PITRM1: variants seen among roughly 807,000 people sequenced by gnomAD.
PITRM1 encodes presequence protease, mitochondrial.
A neutral mutation model predicts 129.9 loss-of-function variants in PITRM1; 100 were observed. The observed-to-expected ratio is 0.77, with a 90% CI of 0.65 to 0.91. PITRM1 has a LOEUF of 0.91. Ranked by LOEUF, PITRM1 falls within the 40% of genes least tolerant of loss-of-function variation. The pLI, the probability that PITRM1 is intolerant of heterozygous loss-of-function variation, is 0.00. For missense variants in PITRM1, 1,471 were observed against 1,318.3 expected, an observed-to-expected ratio of 1.12 and a Z score of -1.79; for synonymous variants, 591 against 508.8, an observed-to-expected ratio of 1.16 and a Z score of -2.17.
At chr10:3,142,490 G>A (rs2131820550) in intron 23 of PITRM1, among the ~76,000 whole-genome samples, 1 of 152,374 alleles carries the variant, frequency 6.6e-6, no homozygotes, top group East Asian at 1.9e-4. Flanking sequence ...GATATAACAT[G>A]TTTGCACATA....
chr10:3,160,623 G>C (rs1842366164), intron 7 of PITRM1, among the ~76,000 whole-genome samples: 2 of 152,136 alleles, frequency 1.3e-5, no homozygotes, highest in African/African-American at 4.8e-5. Flanking sequence ...CACAGGGCAT[G>C]GTGCTATTCC....
Position 3,148,263 on chromosome 10 carries a change from C to T in PITRM1, c.1900G>A (p.Glu634Lys), listed in dbSNP as rs771618324. ...KLGCGLLDYREQAQQIELKTG... is the reference protein window; with the variant it reads ...KLGCGLLDYRKQAQQIELKTG... ...TTCAATTCTATCTGCTGAGCCTGCTCCCGGTAGTCAAGAAGGCCGCAGCCC... is the reference window on the plus strand; with the variant it reads ...TTCAATTCTATCTGCTGAGCCTGCTTCCGGTAGTCAAGAAGGCCGCAGCCC... Residue 634 changes from glutamate to lysine, a missense_variant, in exon 17 of 27, where the codon GAG (glutamate) becomes AAG (lysine). Glu to Lys is a moderately conservative substitution (Grantham distance 56). Transcript: ENST00000224949. 12 of 1,613,418 alleles carry T rather than the reference C, an allele frequency of 7.4e-6. No homozygotes were observed. In the Admixed American group the frequency reaches 1.5e-4, roughly 20 times the overall value.
rs1490820257 is a variant in PITRM1 at position 3,149,671 on chromosome 10, GA to G, written c.1820del (p.Leu607ProfsTer5). ...GCACATAGGGCCTCAGCTCCTCGGGGAGTGTGTTCAGGCTGGAGAAGGCCCG... is the reference window on the plus strand; with the variant it reads ...GCACATAGGGCCTCAGCTCCTCGGGGGTGTGTTCAGGCTGGAGAAGGCCCG... ...YFRAFSSLNT[L>X]PEELRPYVPL... On this transcript the variant is annotated frameshift_variant, in exon 16 of 27. Coordinates refer to ENST00000224949, the MANE Select transcript of PITRM1 (RefSeq NM_014889.4). LOFTEE classifies it high-confidence loss of function. The G allele has an allele frequency of 6.2e-7, 1 of 1,606,000 alleles. No homozygotes were observed. The highest frequency in any genetic ancestry group is 8.5e-7 in the Non-Finnish European group (1 of 1,177,132).
chr10:3,143,263 C>CA, intron 23 of PITRM1, 126 bp downstream of exon 23: 1 of 650,650 alleles, frequency 1.5e-6, no homozygotes, highest in South Asian at 1.8e-5. Flanking sequence ...CACACAGCCC[C>CA]AGGTCCAACA....
Position 3,145,657 on chromosome 10 carries a change from A to G in PITRM1, c.2396T>C (p.Phe799Ser), listed in dbSNP as rs1334630970. 1 of 1,550,628 alleles carries G rather than the reference A, an allele frequency of 6.4e-7. No individual in the cohort carries two copies. Among genetic ancestry groups the G allele is most frequent in the East Asian group, 2.4e-5 (1 of 41,086 alleles). ...MPQTEKAVED[F>S]LRSIGRSKKE... ...TTTACTCCGACCGATGCTTCTAAGG[A>G]AGTCTTCGACCGCTTTTTCTGTCTG... is the stretch of plus-strand genomic sequence containing the variant. The change falls in exon 21 of 27, where the codon TTC becomes TCC. Residue 799 changes from phenylalanine (F) to serine (S), a missense_variant. Phe to Ser is a radical substitution (Grantham distance 155). Transcript: ENST00000224949.
chr10:3,157,297 C>T (rs1842054500), intron 12 of PITRM1, 138 bp downstream of exon 12: 1 of 622,276 alleles, frequency 1.6e-6, no homozygotes, highest in African/African-American at 1.9e-5. Flanking sequence ...AGGAAATAAC[C>T]AACAGATTAC....
Position 3,158,117 on chromosome 10 carries a change from G to C in PITRM1, c.1173C>G (p.Val391=). 1.2e-6 allele frequency: 2 copies of C among 1,608,170 alleles called. No individual in the cohort carries two copies. The highest frequency in any genetic ancestry group is 1.7e-6 in the Non-Finnish European group (2 of 1,175,716). ...CTTTCTCCGCAATCCCTTGGAGGCC[G>C]ACACTAAAGTAGGCCTCCCTCGTGT... ...NGYTREAYFS[V]GLQGIAEKDI... Residue 391 remains valine (V), a synonymous_variant, in exon 11 of 27, where the codon GTC becomes GTG. Coordinates refer to ENST00000224949, the MANE Select transcript of PITRM1 (RefSeq NM_014889.4).
At chr10:3,139,307 A>C (rs1291704332) in intron 24 of PITRM1, among the ~76,000 whole-genome samples, 1 of 152,236 alleles carries the variant, frequency 6.6e-6, no homozygotes, top group Non-Finnish European at 1.5e-5. Context: ...TTATTTAAAT[A>C]CACTTCTCTG....
Position 3,158,878 on chromosome 10 carries a change from A to G in PITRM1, c.1136+36T>C, listed in dbSNP as rs112824015. On this transcript the variant is annotated intron_variant, in intron 10 of 26. Transcript: ENST00000224949. ...GGAGGAGCAAAACTGCCCCCAACCA[A>G]TGAGAACTACTGATCTAATCTAATC... is the stretch of plus-strand genomic sequence containing the variant. 259 of 1,602,842 alleles carry G rather than the reference A, an allele frequency of 1.6e-4. 3 individuals carry two copies. The African/African-American group carries it at 2.1e-3, about 13-fold the overall frequency.
intron 7 of PITRM1, among the ~76,000 whole-genome samples, chr10:3,161,267 T>C (rs951098154): frequency 6.6e-6 from 1 of 152,222 alleles, no homozygotes; most frequent in Non-Finnish European, 1.5e-5. Context: ...AAACACTTTA[T>C]AACCCTAGGT....
chr10:3,141,481 CTG>C (rs1840190112), intron 23 of PITRM1: 1 of 226,294 alleles, frequency 4.4e-6, no homozygotes, highest in Non-Finnish European at 1.0e-5. Flanking sequence ...AGAAAGGAAA[CTG>C]AAGTGAGTTT....
chr10:3,149,474 C>A (rs1016127699), intron 16 of PITRM1, 147 bp downstream of exon 16: 2 of 719,956 alleles, frequency 2.8e-6, no homozygotes, highest in Non-Finnish European at 2.1e-6. Context: ...ATAAAAAATT[C>A]TAAACCAATA....
chr10:3,151,114 C>T, intron 15 of PITRM1, 133 bp downstream of exon 15: 1 of 635,058 alleles, frequency 1.6e-6, no homozygotes, highest in Non-Finnish European at 2.9e-6. Flanking sequence ...TAGAGCGAGA[C>T]TATGAACGCA....
intron 23 of PITRM1, 77 bp from the exon 24 acceptor site, chr10:3,140,889 G>C: frequency 6.4e-6 from 8 of 1,258,376 alleles, no homozygotes; most frequent in Non-Finnish European, 7.8e-6. Flanking sequence ...GTTGGATTAA[G>C]TGAAAATGAA....
At chr10:3,153,643 A>C (rs1003303143) in intron 14 of PITRM1, among the ~76,000 whole-genome samples, 1 of 150,354 alleles carries the variant, frequency 6.7e-6, no homozygotes, top group Non-Finnish European at 1.5e-5. Context: ...AAAAACAACA[A>C]AAAAAAACCA....
chr10:3,159,403 C>G (rs1842251989), intron 9 of PITRM1, among the ~76,000 whole-genome samples: 1 of 152,222 alleles, frequency 6.6e-6, no homozygotes, highest in Non-Finnish European at 1.5e-5. Context: ...GGCCCAGAGC[C>G]CAAGCCTTCC....
intron 8 of PITRM1, 41 bp from the exon 9 acceptor site, chr10:3,159,977 A>AT: frequency 5.0e-6 from 7 of 1,391,382 alleles, no homozygotes; most frequent in Non-Finnish European, 7.0e-6. Context: ...ACAGTGTCTG[A>AT]CGGTTGTCAA....
intron 7 of PITRM1, among the ~76,000 whole-genome samples, chr10:3,162,619 C>T (rs1005330242): frequency 2.0e-5 from 3 of 152,170 alleles, no homozygotes; most frequent in Non-Finnish European, 4.4e-5. Flanking sequence ...AGGATGTGGC[C>T]GTCTATGGAG....
At chr10:3,153,780 A>G (rs1017421048) in intron 14 of PITRM1, among the ~76,000 whole-genome samples, 4 of 152,216 alleles carry the variant, frequency 2.6e-5, no homozygotes, top group African/African-American at 7.2e-5. Context: ...CTTTCCACCT[A>G]ACGTCCACTC....
Sources: gnomAD v4.1 joint callset for allele counts (sites outside exome capture counted in the v4.1 genomes callset) on GRCh38, gnomAD v4.1.1 for gene constraint, MANE v1.5 for transcripts, NCBI Gene and HGNC (gene_info 2026-07-23, HGNC 2026-07-21) for gene names.